RSPO2: variants seen among roughly 807,000 people sequenced by gnomAD.
RSPO2 encodes the protein R-spondin 2.
Under a neutral mutation model 30.9 loss-of-function variants are expected in RSPO2, and 14 were observed. The ratio of observed to expected loss-of-function variants is 0.45; its 90% CI spans 0.30 to 0.71. The LOEUF is 0.71. Ranked by LOEUF, RSPO2 falls within the 30% of genes least tolerant of loss-of-function variation. RSPO2 has a pLI of 0.08. For synonymous variants in RSPO2, 107 were observed against 96.4 expected, an observed-to-expected ratio of 1.11 and a Z score of -0.64; for missense variants, 264 against 301.9, an observed-to-expected ratio of 0.87 and a Z score of 0.93.
chr8:107,916,238 A>C (rs1811979931), intron 5 of RSPO2, among the ~76,000 whole-genome samples: 1 of 152,178 alleles, frequency 6.6e-6, no homozygotes, highest in Non-Finnish European at 1.5e-5. Flanking sequence ...CACATTTGCT[A>C]AATGCTTTGT....
intron 2 of RSPO2, among the ~76,000 whole-genome samples, chr8:107,994,185 C>A (rs1814939601): frequency 6.6e-6 from 1 of 152,018 alleles, no homozygotes; most frequent in African/African-American, 2.4e-5. Flanking sequence ...TATACATTTG[C>A]AAAACCCAAA....
chr8:108,052,261 G>A (rs1024623724), intron 2 of RSPO2, among the ~76,000 whole-genome samples: 1 of 151,958 alleles, frequency 6.6e-6, no homozygotes, highest in African/African-American at 2.4e-5. Context: ...CTGTGTACAC[G>A]CACATTTTCT....
chr8:108,010,748 C>A (rs1291669741), intron 2 of RSPO2, among the ~76,000 whole-genome samples: 5 of 152,054 alleles, frequency 3.3e-5, no homozygotes, highest in African/African-American at 1.2e-4. Context: ...CTTTCCCTCC[C>A]CTGGCAAACC....
At chr8:107,935,527 A>C (rs1434752991) in intron 5 of RSPO2, among the ~76,000 whole-genome samples, 4 of 152,038 alleles carry the variant, frequency 2.6e-5, no homozygotes, top group African/African-American at 9.7e-5. Context: ...TCAAGCAGAT[A>C]GGAAGAATAA....
chr8:107,972,161 T>C (rs1367659139), intron 3 of RSPO2, among the ~76,000 whole-genome samples: 1 of 152,060 alleles, frequency 6.6e-6, no homozygotes, highest in Non-Finnish European at 1.5e-5. Flanking sequence ...CTTTTTTTTT[T>C]TTGAGACAGA....
chr8:107,917,840 A>C (rs1812026864), intron 5 of RSPO2, among the ~76,000 whole-genome samples: 1 of 152,216 alleles, frequency 6.6e-6, no homozygotes, highest in Non-Finnish European at 1.5e-5. Flanking sequence ...ATGCCACAGA[A>C]GTAACCAAAA....
intron 5 of RSPO2, among the ~76,000 whole-genome samples, chr8:107,934,382 T>G (rs1239326563): frequency 6.6e-6 from 1 of 152,050 alleles, no homozygotes; most frequent in Non-Finnish European, 1.5e-5. Flanking sequence ...TTTTTTTTTT[T>G]TTTTTATTAG....
chr8:107,911,103 C>G (rs1811810181), intron 5 of RSPO2, among the ~76,000 whole-genome samples: 1 of 152,100 alleles, frequency 6.6e-6, no homozygotes, highest in South Asian at 2.1e-4. Flanking sequence ...CCTGTTCTTC[C>G]TAGGCTCCCC....
chr8:108,052,169 T>C (rs756300900), intron 2 of RSPO2, among the ~76,000 whole-genome samples: 67 of 152,206 alleles, frequency 4.4e-4, no homozygotes, highest in Non-Finnish European at 6.8e-4. Context: ...TATGCAGACT[T>C]AGAGATCTAG....
intron 1 of RSPO2, 104 bp from the exon 2 acceptor site, chr8:108,082,911 G>A (rs528550822): frequency 4.2e-5 from 19 of 454,288 alleles, no homozygotes; most frequent in Admixed American, 1.1e-4. Context: ...AGGGAAGGAG[G>A]AAGCGAACCC....
At chr8:108,024,075 G>T (rs985024830) in intron 2 of RSPO2, among the ~76,000 whole-genome samples, 3 of 151,818 alleles carry the variant, frequency 2.0e-5, no homozygotes, top group African/African-American at 7.3e-5. Context: ...TAAAAGTAGG[G>T]GAATTTGACA....
intron 3 of RSPO2, chr8:107,983,597 C>CA (rs1814524126): frequency 6.3e-7 from 1 of 1,596,620 alleles, no homozygotes; most frequent in African/African-American, 1.3e-5. Flanking sequence ...AGTAAAGCCC[C>CA]AAAAGACGAT....
At chr8:108,066,329 T>C (rs956449110) in intron 2 of RSPO2, among the ~76,000 whole-genome samples, 4 of 152,228 alleles carry the variant, frequency 2.6e-5, no homozygotes, top group Admixed American at 2.6e-4. Flanking sequence ...GAAGCTACTG[T>C]ATGTTCAACT....
chr8:107,914,660 C>A (rs1270245532), intron 5 of RSPO2, among the ~76,000 whole-genome samples: 1 of 151,938 alleles, frequency 6.6e-6, no homozygotes, highest in Admixed American at 6.6e-5. Flanking sequence ...TTAGAATTTT[C>A]AAAAATTAGT....
At chr8:108,025,817 T>C (rs935733465) in intron 2 of RSPO2, among the ~76,000 whole-genome samples, 1 of 152,120 alleles carries the variant, frequency 6.6e-6, no homozygotes, top group Non-Finnish European at 1.5e-5. Context: ...CCACTACACC[T>C]GGCCAAAAAC....
chr8:108,028,444 C>A (rs1431884954), intron 2 of RSPO2, among the ~76,000 whole-genome samples: 1 of 152,196 alleles, frequency 6.6e-6, no homozygotes, highest in Non-Finnish European at 1.5e-5. Flanking sequence ...AGGACACTTT[C>A]TCTTCACTCC....
At chr8:108,058,929 T>C (rs1285096457) in intron 2 of RSPO2, among the ~76,000 whole-genome samples, 2 of 151,774 alleles carry the variant, frequency 1.3e-5, no homozygotes, top group South Asian at 4.2e-4. Flanking sequence ...ATTCAGGACA[T>C]AGGCATGGGC....
chr8:108,073,591 A>G (rs771523490), intron 2 of RSPO2, among the ~76,000 whole-genome samples: 114 of 152,234 alleles, frequency 7.5e-4, no homozygotes, highest in Non-Finnish European at 1.3e-3. Context: ...CTGGAAAGCT[A>G]CAACAGCTAT....
At chr8:108,040,697 G>C (rs754185124) in intron 2 of RSPO2, among the ~76,000 whole-genome samples, 5 of 152,092 alleles carry the variant, frequency 3.3e-5, no homozygotes, top group African/African-American at 4.8e-5. Flanking sequence ...TGGAGGAAGG[G>C]GGCTGACAAA....
Sources: gnomAD v4.1 joint callset for allele counts (sites outside exome capture counted in the v4.1 genomes callset) on GRCh38, gnomAD v4.1.1 for gene constraint, MANE v1.5 for transcripts, NCBI Gene and HGNC (gene_info 2026-07-23, HGNC 2026-07-21) for gene names.